The following EPDR1 variants were observed in gnomAD, a reference collection of about 807,000 sequenced individuals.
EPDR1 encodes mammalian ependymin-related protein 1.
A neutral mutation model predicts 23.7 loss-of-function variants in EPDR1; 27 were observed. The observed-to-expected ratio is 1.14, with a 90% CI of 0.84 to 1.57. EPDR1 has a LOEUF of 1.57. Ranked by LOEUF, EPDR1 falls within the 40% of genes most tolerant of loss-of-function variation. The pLI, the probability that EPDR1 is intolerant of heterozygous loss-of-function variation, is 0.00. For missense variants in EPDR1, 349 were observed against 290.4 expected (o/e 1.20, Z -1.47); for synonymous variants, 137 against 118.2 (o/e 1.16, Z -1.03).
intron 1 of EPDR1, among the ~76,000 whole-genome samples, chr7:37,932,809 A>T (rs1411461142): frequency 6.6e-6 from 1 of 152,136 alleles, no homozygotes; most frequent in Non-Finnish European, 1.5e-5. Context: ...CTCATGAGAA[A>T]TTTTTTATTA....
Position 37,921,074 on chromosome 7 carries a change from G to T in EPDR1, c.135G>T (p.Pro45=). ...GAGCCCCGCGCCCGTGCCAGGCGCC[G>T]CAGCAGTGGGAGGGGCGCCAGGTTA... ...AVGAPRPCQA[P]QQWEGRQVMY... Residue 45 remains proline, a synonymous_variant, in exon 1 of 3, where the codon CCG becomes CCT. Transcript: ENST00000199448. 6.4e-7 allele frequency: 1 copy of T among 1,569,522 alleles called. No homozygotes were observed. The highest frequency in any genetic ancestry group is 8.6e-7 in the Non-Finnish European group (1 of 1,164,176).
rs1001613347 is a variant in EPDR1, at chr7:37,921,230, G to A, written c.269+22G>A. On this transcript the variant is annotated intron_variant, in intron 1 of 2. Coordinates refer to ENST00000199448, the MANE Select transcript of EPDR1 (RefSeq NM_017549.5). ...AGAGGTACAGGTCATCGGCCCGCGG[G>A]GCGGGAGTAGGGAGCCGCGCGGGCA... is the stretch of plus-strand genomic sequence containing the variant. 2.5e-6 allele frequency: 4 copies of A among 1,570,376 alleles called. No homozygotes were observed. The South Asian group carries it at 3.4e-5, about 13-fold the overall frequency.
intron 1 of EPDR1, among the ~76,000 whole-genome samples, chr7:37,925,878 T>A (rs143304711): frequency 6.6e-6 from 1 of 152,340 alleles, no homozygotes; most frequent in Non-Finnish European, 1.5e-5. Context: ...TTGACACAGA[T>A]TTTAAATTTT....
chr7:37,922,836 T>C (rs1034073800), intron 1 of EPDR1, among the ~76,000 whole-genome samples: 18 of 152,114 alleles, frequency 1.2e-4, no homozygotes, highest in African/African-American at 3.9e-4. Context: ...TACAGTGGGA[T>C]GAGGGGTGAG....
In EPDR1 at chr7:37,936,361, A is replaced by C. The variant is rs529204106; in HGVS notation, c.270-12479A>C. On this transcript the variant is annotated intron_variant, in intron 1 of 2. Transcript: ENST00000199448. ...TTCTTTAACATAGCACAACCTGTGT[A>C]GTTCTTAATTTACTTGAAACCACAG... 5.9e-5 allele frequency among the ~76,000 whole-genome samples: 9 copies of C among 152,210 alleles called. No homozygotes were observed. The East Asian group carries it at 1.7e-3, about 29-fold the overall frequency.
At position 37,949,033 on chromosome 7, in the gene EPDR1, A is replaced by G; in HGVS notation, c.463A>G (p.Lys155Glu). Residue 155 changes from lysine (K) to glutamate (E), a missense_variant, in exon 2 of 3, where the codon AAG (lysine) becomes GAG (glutamate). Physicochemically the swap from Lys to Glu is moderately conservative, Grantham distance 56. Coordinates refer to ENST00000199448, the MANE Select transcript of EPDR1 (RefSeq NM_017549.5). ...CACCGTCCAGGAGTGGTCGGACAGA[A>G]AGTCAGCTAGATCCTGTAAGGGTTC... ...QITVQEWSDR[K>E]SARSYETWIG... 1 of 1,614,126 alleles carries G rather than the reference A, an allele frequency of 6.2e-7. No homozygotes were observed. Among genetic ancestry groups the G allele is most frequent in the African/African-American group, 1.3e-5 (1 of 75,052 alleles).
intron 1 of EPDR1, chr7:37,921,484 G>A: frequency 1.5e-6 from 2 of 1,353,002 alleles, no homozygotes; most frequent in Non-Finnish European, 1.9e-6. Context: ...GCGGGATCAA[G>A]CTGCAGAGTG....
intron 1 of EPDR1, among the ~76,000 whole-genome samples, chr7:37,930,262 C>T (rs1785907978): frequency 1.3e-5 from 2 of 152,180 alleles, no homozygotes; most frequent in South Asian, 4.1e-4. Flanking sequence ...TCAGGGAAGA[C>T]GCTGCTCCAG....
At chr7:37,944,855 AC>A (rs1177677758) in intron 1 of EPDR1, among the ~76,000 whole-genome samples, 1 of 151,828 alleles carries the variant, frequency 6.6e-6, no homozygotes, top group Non-Finnish European at 1.5e-5. Flanking sequence ...CAAGAAGGAA[AC>A]CCCCTCTCCT....
intron 1 of EPDR1, among the ~76,000 whole-genome samples, chr7:37,947,879 G>A (rs1192586478): frequency 6.6e-6 from 1 of 152,220 alleles, no homozygotes; most frequent in Admixed American, 6.5e-5. Flanking sequence ...CCCAGGAAGG[G>A]TGAGCAGGTG....
rs370889990 is a variant in EPDR1, at chr7:37,949,068, A to G, written c.478+20A>G. Reference sequence around the variant, plus strand: ...GATCCTGTAAGGGTTCAAAGAATCTAAGCATTGTATTCAGCATGCATGATG... The same window carrying G: ...GATCCTGTAAGGGTTCAAAGAATCTGAGCATTGTATTCAGCATGCATGATG... On this transcript the variant is annotated intron_variant, in intron 2 of 2. Transcript: ENST00000199448. 2.8e-4 allele frequency: 447 copies of G among 1,609,818 alleles called. 4 individuals are homozygous for G. The South Asian group carries it at 4.7e-3, about 17-fold the overall frequency.
intron 1 of EPDR1, among the ~76,000 whole-genome samples, chr7:37,937,049 G>A (rs142099570): frequency 2.8e-3 from 430 of 152,288 alleles, no homozygotes; most frequent in African/African-American, 9.4e-3. Context: ...GTGTGACATT[G>A]ATGTGTAAAT....
At chr7:37,922,970 G>T (rs956133604) in intron 1 of EPDR1, among the ~76,000 whole-genome samples, 5 of 152,186 alleles carry the variant, frequency 3.3e-5, no homozygotes, top group Non-Finnish European at 7.3e-5. Context: ...AGAGACTGCT[G>T]GTCCAGGGGG....
rs753980488 is a variant in EPDR1 at position 37,921,147 on chromosome 7, G to C, written c.208G>C (p.Asp70His). Residue 70 changes from aspartate to histidine, a missense_variant, in exon 1 of 3, where the codon GAC (aspartate) becomes CAC (histidine). Coordinates refer to ENST00000199448, the MANE Select transcript of EPDR1 (RefSeq NM_017549.5). ...CAACAGCCGCGCCCTGCTCTCCTAC[G>C]ACGGGCTCAACCAGCGCGTGCGGGT... is the stretch of plus-strand genomic sequence containing the variant. ...GRNSRALLSYDGLNQRVRVLD... is the reference protein window; with the variant it reads ...GRNSRALLSYHGLNQRVRVLD... The C allele has an allele frequency of 6.3e-7, 1 of 1,596,868 alleles. No homozygotes were observed. The highest frequency in any genetic ancestry group is 8.5e-7 in the Non-Finnish European group (1 of 1,179,100).
chr7:37,921,341 G>T, intron 1 of EPDR1, 133 bp downstream of exon 1: 1 of 1,422,818 alleles, frequency 7.0e-7, no homozygotes, highest in Non-Finnish European at 9.1e-7. Flanking sequence ...GAGATCTTTC[G>T]CGAGGAGGGT....
At position 37,950,766 on chromosome 7, in the gene EPDR1, T is replaced by G. The variant is rs1181448328; in HGVS notation, c.*370T>G. On this transcript the variant is annotated 3_prime_UTR_variant, in exon 3 of 3. Coordinates refer to ENST00000199448, the MANE Select transcript of EPDR1 (RefSeq NM_017549.5). ...TGGCAGCAAGTATTTATTGTTGACA[T>G]TATTCAGAATTAGTGATAATAAAAA... The G allele has an allele frequency of 5.8e-6, 1 of 172,430 alleles. No homozygotes were observed. Among genetic ancestry groups the G allele is most frequent in the Non-Finnish European group, 1.2e-5 (1 of 81,756 alleles). The allele number at this position is 172,430 out of a possible 1,614,324, so 10.7% of individuals were successfully genotyped here. A position where few individuals can be genotyped will look rare whatever the true frequency, so the allele number is the denominator to read the frequency against.
chr7:37,950,577 G>T lies in EPDR1; in HGVS notation c.*181G>T, dbSNP rs185638520. ...GACTACTCAAGCTCTGTTTACAGAA[G>T]AAAATTGAATGGCGAGGGTGTGGCC... On this transcript the variant is annotated 3_prime_UTR_variant, in exon 3 of 3. Coordinates refer to ENST00000199448, the MANE Select transcript of EPDR1 (RefSeq NM_017549.5). 1.2e-3 allele frequency: 755 copies of T among 638,694 alleles called. 12 individuals carry two copies. The East Asian group carries it at 0.016, about 14-fold the overall frequency. The allele number at this position is 638,694 out of a possible 1,614,324, so 39.6% of individuals were successfully genotyped here.
intron 1 of EPDR1, among the ~76,000 whole-genome samples, chr7:37,940,015 G>C (rs1193129864): frequency 6.6e-6 from 1 of 151,998 alleles, no homozygotes; most frequent in African/African-American, 2.4e-5. Flanking sequence ...AATATCAAAG[G>C]AATAGAAACA....
chr7:37,943,082 A>T (rs570234406), intron 1 of EPDR1, among the ~76,000 whole-genome samples: 50 of 152,332 alleles, frequency 3.3e-4, no homozygotes, highest in African/African-American at 1.2e-3. Context: ...CAGCAGCAGC[A>T]GGGCCTTTGT....
Sources: gnomAD v4.1 joint callset for allele counts (sites outside exome capture counted in the v4.1 genomes callset) on GRCh38, gnomAD v4.1.1 for gene constraint, MANE v1.5 for transcripts, NCBI Gene and HGNC (gene_info 2026-07-23, HGNC 2026-07-21) for gene names.